The following REN variants were observed in gnomAD, a reference collection of about 807,000 sequenced individuals.
REN encodes the protein renin.
Under a neutral mutation model 48.6 loss-of-function variants are expected in REN, and 42 were observed. That is an observed-to-expected ratio of 0.86 (90% CI 0.68 to 1.12). REN has a LOEUF of 1.12. Ranked by LOEUF, REN falls within the 50% of genes most tolerant of loss-of-function variation. REN has a pLI of 0.00. For missense variants in REN, 443 were observed against 527.3 expected (o/e 0.84, Z 1.57); for synonymous variants, 196 against 204.6 (o/e 0.96, Z 0.36).
At chr1:204,163,811 T>C (rs1658291634) in intron 1 of REN, among the ~76,000 whole-genome samples, 1 of 152,188 alleles carries the variant, frequency 6.6e-6, no homozygotes, top group African/African-American at 2.4e-5. Context: ...TTACCACTTA[T>C]GTGATTCTGA....
chr1:204,158,409 G>GA (rs1658187493), intron 5 of REN, among the ~76,000 whole-genome samples: 1 of 126,382 alleles, frequency 7.9e-6, no homozygotes, highest in Admixed American at 8.0e-5. Context: ...TTACCCTTGT[G>GA]ACTTTTTTTT....
In REN at chr1:204,157,241, G is replaced by T. The variant is rs11571119; in HGVS notation, c.698+120C>A. 1.5e-3 allele frequency: 1,933 copies of T among 1,321,996 alleles called. 20 individuals are homozygous for T. The African/African-American group carries it at 0.024, about 16-fold the overall frequency. 81.9% of individuals were successfully genotyped at this position (1,321,996 alleles called of 1,614,324 possible). ...CAGGAAGGAGAGACAGAGAACTTCG[G>T]CATCTAGCGGAGGCTGGGCTTGCTG... On this transcript the variant is annotated intron_variant, in intron 6 of 9. Transcript: ENST00000272190.
Position 204,156,516 on chromosome 1 carries a change from C to T in REN, c.818+161G>A, listed in dbSNP as rs2102311117. Among the ~76,000 whole-genome samples the T allele has an allele frequency of 6.6e-6, 1 of 152,296 alleles. No individual in the cohort carries two copies. Among genetic ancestry groups the T allele is most frequent in the Non-Finnish European group, 1.5e-5 (1 of 68,010 alleles). On this transcript the variant is annotated intron_variant, in intron 7 of 9. Transcript: ENST00000272190. This position sits in a 1 kb window ranked among gnomAD's most constrained non-coding sequence, Gnocchi z 4.2. ...CCCCAGGCCCCTCCCTTCTCTGTTC[C>T]CCAGCCTGGACAGAGCAGGCAGAGA...
Position 204,154,997 on chromosome 1 carries a change from G to T in REN, c.*19C>A. Reference sequence around the variant, plus strand: ...TGGGCCAGGGCTGAAGGCAGGGCCTGCCTGGGTGGCAGAGGGCCTCAGCGG... The same window carrying T: ...TGGGCCAGGGCTGAAGGCAGGGCCTTCCTGGGTGGCAGAGGGCCTCAGCGG... On this transcript the variant is annotated 3_prime_UTR_variant, in exon 10 of 10. Transcript: ENST00000272190. 1 of 1,613,196 alleles carries T rather than the reference G, an allele frequency of 6.2e-7. No individual in the cohort carries two copies. The highest frequency in any genetic ancestry group is 8.5e-7 in the Non-Finnish European group (1 of 1,179,978).
intron 4 of REN, among the ~76,000 whole-genome samples, chr1:204,160,336 A>T (rs1308344260): frequency 6.6e-6 from 1 of 152,240 alleles, no homozygotes; most frequent in Non-Finnish European, 1.5e-5. Context: ...ATGCAAAAAC[A>T]TCCACAAACC....
chr1:204,161,946 A>T, intron 2 of REN, 67 bp downstream of exon 2: 1 of 1,591,802 alleles, frequency 6.3e-7, no homozygotes, highest in Admixed American at 1.7e-5. Context: ...TCTTGCAGCA[A>T]AGAAAGCCCT....
In REN at chr1:204,166,277, C is replaced by G; in HGVS notation, c.17G>C (p.Arg6Thr). The change falls in exon 1 of 10, where the codon AGG becomes ACG. Residue 6 changes from arginine (R) to threonine (T), a missense_variant. By Grantham distance (71) the Arg-to-Thr change is moderately conservative. Coordinates refer to ENST00000272190, the MANE Select transcript of REN (RefSeq NM_000537.4). ...CAGCAGCAGTCCCCAGCGAGGCATC[C>G]TTCTCCATCCATCCATGCTTCCCTC... MDGWRRMPRWGLLLLL... is the reference protein window; with the variant it reads MDGWRTMPRWGLLLLL... 1 of 1,614,240 alleles carries G rather than the reference C, an allele frequency of 6.2e-7. No homozygotes were observed. Among genetic ancestry groups the G allele is most frequent in the Non-Finnish European group, 8.5e-7 (1 of 1,180,042 alleles).
chr1:204,160,017 A>G (rs1432093870), intron 4 of REN, among the ~76,000 whole-genome samples: 1 of 152,214 alleles, frequency 6.6e-6, no homozygotes, highest in African/African-American at 2.4e-5. Context: ...GAAGGGAGGC[A>G]GGAATCACCC....
rs748232669 is a variant in REN at position 204,155,925 on chromosome 1, T to TG, written c.961-8dup. ...CGTTACACTTCACGACATACTGGGG[T>TG]GGGGGGCAAAGAGAGCCTTCTTGAG... On this transcript the variant is annotated splice_region_variant and splice_polypyrimidine_tract_variant and intron_variant, in intron 8 of 9. Coordinates refer to ENST00000272190, the MANE Select transcript of REN (RefSeq NM_000537.4). 1.8e-5 allele frequency: 29 copies of TG among 1,609,028 alleles called. No homozygotes were observed. The Admixed American group carries it at 2.3e-4, about 13-fold the overall frequency.
intron 1 of REN, among the ~76,000 whole-genome samples, chr1:204,163,617 G>C (rs1362089092): frequency 6.6e-6 from 1 of 151,826 alleles, no homozygotes; most frequent in East Asian, 1.9e-4. Flanking sequence ...AGTCCTCCAA[G>C]GCCCAACATG....
Position 204,159,325 on chromosome 1 carries a change from A to T in REN, c.689+74T>A, listed in dbSNP as rs562647649. On this transcript the variant is annotated intron_variant, in intron 5 of 9. Transcript: ENST00000272190. ...TACAAACACTTTACAATTCTGGCCC[A>T]GACTCTCCTTCCACTCCCCATCTCT... is the stretch of plus-strand genomic sequence containing the variant. 1.4e-4 allele frequency: 191 copies of T among 1,377,882 alleles called. No individual in the cohort carries two copies. In the African/African-American group the frequency reaches 2.2e-3, roughly 16 times the overall value. The allele number at this position is 1,377,882 out of a possible 1,614,324, so 85.4% of individuals were successfully genotyped here. A position where few individuals can be genotyped will look rare whatever the true frequency, so the allele number is the denominator to read the frequency against.
At position 204,160,639 on chromosome 1, in the gene REN, T is replaced by C; in HGVS notation, c.413A>G (p.Tyr138Cys). ...GGTGAGTTCTGTTCCATTGTGCTTG[T>C]AGCTGGAGGAATCCGAAGCATCGAA... ...KLFDASDSSS[Y>C]KHNGTELTLR... Residue 138 changes from tyrosine (Y) to cysteine (C), a missense_variant, in exon 4 of 10, where the codon TAC (tyrosine) becomes TGC (cysteine). By Grantham distance (194) the Tyr-to-Cys change is radical. Transcript: ENST00000272190. 1 of 1,614,114 alleles carries C rather than the reference T, an allele frequency of 6.2e-7. No individual in the cohort carries two copies. Among genetic ancestry groups the C allele is most frequent in the Non-Finnish European group, 8.5e-7 (1 of 1,179,978 alleles).
At chr1:204,159,932 T>G (rs544249649) in intron 4 of REN, among the ~76,000 whole-genome samples, 1 of 152,274 alleles carries the variant, frequency 6.6e-6, no homozygotes, top group South Asian at 2.1e-4. Flanking sequence ...CCCACCCTTA[T>G]CATGGGCGAA....
intron 1 of REN, among the ~76,000 whole-genome samples, chr1:204,165,182 G>C (rs1299582787): frequency 2.0e-5 from 3 of 152,150 alleles, no homozygotes; most frequent in Non-Finnish European, 2.9e-5. Flanking sequence ...TGTTGGTCAG[G>C]CTGGTCTTGA....
intron 3 of REN, 89 bp from the exon 4 acceptor site, chr1:204,160,767 A>G (rs1365247384): frequency 4.4e-6 from 4 of 915,836 alleles, no homozygotes; most frequent in Admixed American, 1.7e-5. Flanking sequence ...ATGGCTGGTT[A>G]GCTTAGGTGC....
chr1:204,161,497 C>T (rs28730747), intron 2 of REN, 82 bp from the exon 3 acceptor site: 30 of 1,310,708 alleles, frequency 2.3e-5, no homozygotes, highest in African/African-American at 9.0e-5. Flanking sequence ...TCTTGGCTCT[C>T]GGTGTGAGAC....
At chr1:204,157,180 TATTGG>T in intron 6 of REN, among the ~76,000 whole-genome samples, 176 bp downstream of exon 6, 1 of 152,076 alleles carries the variant, frequency 6.6e-6, no homozygotes, top group Non-Finnish European at 1.5e-5. Flanking sequence ...CTGGGGAGGC[TATTGG>T]GTATGGGGTG....
rs1221041856 is a variant in REN, at chr1:204,156,303, A to T, written c.835T>A (p.Ser279Thr). The change falls in exon 8 of 10, where the codon TCC becomes ACC. Residue 279 changes from serine (S) to threonine (T), a missense_variant. Transcript: ENST00000272190. This position sits in a 1 kb window ranked among gnomAD's most constrained non-coding sequence, Gnocchi z 4.2. ...CAGCCGTCTTCACAGAGCAAGGTGG[A>T]TGACCCCACAGACACCCTGGGGGAG... ...IQMKGVSVGSSTLLCEDGCLA... is the reference protein window; with the variant it reads ...IQMKGVSVGSTTLLCEDGCLA... The T allele has an allele frequency of 6.2e-7, 1 of 1,613,674 alleles. No individual in the cohort carries two copies. The highest frequency in any genetic ancestry group is 1.1e-5 in the South Asian group (1 of 91,076).
chr1:204,159,856 G>A (rs1013691451), intron 4 of REN, among the ~76,000 whole-genome samples: 76 of 152,332 alleles, frequency 5.0e-4, no homozygotes, highest in African/African-American at 1.5e-3. Flanking sequence ...CAAAAGAAAA[G>A]CTGCCAAGAG....
Sources: gnomAD v4.1 joint callset for allele counts (sites outside exome capture counted in the v4.1 genomes callset) on GRCh38, gnomAD v4.1.1 for gene constraint, Gnocchi (gnomAD v3.1) non-coding constraint, MANE v1.5 for transcripts, NCBI Gene and HGNC (gene_info 2026-07-23, HGNC 2026-07-21) for gene names.